Variants in KCNIP4 observed in about 807,000 individuals in gnomAD.
The protein encoded by KCNIP4 is Kv channel-interacting protein 4.
Under a neutral mutation model 34.0 loss-of-function variants are expected in KCNIP4, and 12 were observed. The observed-to-expected ratio is 0.35, with a 90% CI of 0.23 to 0.57. The LOEUF (loss-of-function observed/expected upper bound fraction) is 0.57. Among genes scored for constraint, KCNIP4 ranks in the 20% least tolerant of loss-of-function variants. The pLI is 0.83. For synonymous variants in KCNIP4, 124 were observed against 102.2 expected, an observed-to-expected ratio of 1.21 and a Z score of -1.29; for missense variants, 238 against 311.7, an observed-to-expected ratio of 0.76 and a Z score of 1.78.
chr4:21,046,847 C>A (rs143936563), intron 1 of KCNIP4, among the ~76,000 whole-genome samples: 2 of 152,170 alleles, frequency 1.3e-5, no homozygotes, highest in Admixed American at 6.5e-5. Flanking sequence ...CGCCTCCTGG[C>A]CTTCCAAAGT....
At chr4:21,290,558 G>C (rs1763380942) in intron 1 of KCNIP4, among the ~76,000 whole-genome samples, 1 of 152,108 alleles carries the variant, frequency 6.6e-6, no homozygotes, top group Non-Finnish European at 1.5e-5. Flanking sequence ...TTTAATTTAA[G>C]AAATATGTTC....
intron 2 of KCNIP4, among the ~76,000 whole-genome samples, chr4:20,860,428 G>T (rs976588834): frequency 6.6e-6 from 1 of 152,002 alleles, no homozygotes; most frequent in Non-Finnish European, 1.5e-5. Flanking sequence ...GTGAGTCACC[G>T]CACCCAGTCC....
intron 1 of KCNIP4, among the ~76,000 whole-genome samples, chr4:20,971,770 G>A (rs1734974108): frequency 6.6e-6 from 1 of 152,144 alleles, no homozygotes; most frequent in South Asian, 2.1e-4. Flanking sequence ...AATGAAATTT[G>A]CCTCATTGAT....
At chr4:21,247,743 T>TATATATATATATATAC (rs1553845670) in intron 1 of KCNIP4, among the ~76,000 whole-genome samples, 2 of 120,466 alleles carry the variant, frequency 1.7e-5, no homozygotes, top group Non-Finnish European at 3.2e-5. Context: ...TGGATATATA[T>TATATATATATATATAC]ATATATATAT....
intron 1 of KCNIP4, among the ~76,000 whole-genome samples, chr4:21,435,639 G>A (rs2109684076): frequency 6.6e-6 from 1 of 152,146 alleles, no homozygotes; most frequent in East Asian, 1.9e-4. Flanking sequence ...GACTGACAGT[G>A]GATAACACAT....
intron 1 of KCNIP4, among the ~76,000 whole-genome samples, chr4:21,757,945 T>A (rs769245549): frequency 6.6e-6 from 1 of 152,196 alleles, no homozygotes; most frequent in Non-Finnish European, 1.5e-5. Context: ...ACTACTAGGT[T>A]TGTGTCCTTA....
In KCNIP4 at chr4:21,182,513, A is replaced by G. The variant is rs369069841; in HGVS notation, c.62-299804T>C. 4.0e-5 allele frequency among the ~76,000 whole-genome samples: 6 copies of G among 148,212 alleles called. No homozygotes were observed. The South Asian group carries it at 6.3e-4, about 16-fold the overall frequency. Reference sequence around the variant, plus strand: ...AGGGGTACAAGTACAGTTTTGTTACATGGATATATTGTGTAGTCATGAAGT... The same window carrying G: ...AGGGGTACAAGTACAGTTTTGTTACGTGGATATATTGTGTAGTCATGAAGT... On this transcript the variant is annotated intron_variant, in intron 1 of 8. Transcript: ENST00000382152.
At chr4:21,475,946 T>G (rs1253775918) in intron 1 of KCNIP4, among the ~76,000 whole-genome samples, 3 of 152,172 alleles carry the variant, frequency 2.0e-5, no homozygotes, top group African/African-American at 7.2e-5. Context: ...AATGCGCTGT[T>G]ATTAAATTCT....
intron 1 of KCNIP4, among the ~76,000 whole-genome samples, chr4:21,665,521 C>G (rs111741100): frequency 2.3e-4 from 34 of 149,758 alleles, no homozygotes; most frequent in Middle Eastern, 3.4e-3. Flanking sequence ...ACCCCCCCCC[C>G]CTCATTTTAT....
At chr4:21,850,492 C>T (rs1448479359) in intron 1 of KCNIP4, 1 of 152,108 alleles carries the variant, frequency 6.6e-6, no homozygotes, top group African/African-American at 2.4e-5. Context: ...CTCAGCCCCT[C>T]ACCGTGTGAT....
chr4:21,769,599 C>G (rs1314661943), intron 1 of KCNIP4, among the ~76,000 whole-genome samples: 1 of 152,040 alleles, frequency 6.6e-6, no homozygotes, highest in Non-Finnish European at 1.5e-5. Context: ...AAGATTTTAT[C>G]TAGATATTTT....
intron 1 of KCNIP4, among the ~76,000 whole-genome samples, chr4:21,356,185 C>T (rs1718573689): frequency 6.6e-6 from 1 of 152,102 alleles, no homozygotes; most frequent in South Asian, 2.1e-4. Flanking sequence ...ATATTAAGAG[C>T]TATTTATGAC....
chr4:21,373,651 T>A (rs1720699752), intron 1 of KCNIP4, among the ~76,000 whole-genome samples: 2 of 147,368 alleles, frequency 1.4e-5, no homozygotes, highest in Admixed American at 1.3e-4. Context: ...GATCAACAAG[T>A]CATATAATCT....
intron 1 of KCNIP4, among the ~76,000 whole-genome samples, chr4:21,381,904 T>G (rs112686980): frequency 2.2e-4 from 34 of 152,306 alleles, no homozygotes; most frequent in African/African-American, 7.0e-4. Flanking sequence ...ACCAATGGTC[T>G]AGCATGGAGT....
chr4:21,551,593 A>C (rs1421114300), intron 1 of KCNIP4, among the ~76,000 whole-genome samples: 1 of 152,156 alleles, frequency 6.6e-6, no homozygotes, highest in Non-Finnish European at 1.5e-5. Flanking sequence ...CAATGGAAAG[A>C]ATGCAACTCT....
chr4:21,075,733 A>T (rs993193499), intron 1 of KCNIP4, among the ~76,000 whole-genome samples: 1 of 152,106 alleles, frequency 6.6e-6, no homozygotes, highest in Non-Finnish European at 1.5e-5. Context: ...TCTTCCTAGC[A>T]TCGATGGTCT....
At chr4:21,282,392 C>A (rs2109172791) in intron 1 of KCNIP4, among the ~76,000 whole-genome samples, 1 of 151,970 alleles carries the variant, frequency 6.6e-6, no homozygotes, top group African/African-American at 2.4e-5. Context: ...GGACTGTGAT[C>A]TCTTTGCCAA....
chr4:21,818,694 T>C (rs554175971), intron 1 of KCNIP4, among the ~76,000 whole-genome samples: 3 of 152,336 alleles, frequency 2.0e-5, no homozygotes, highest in African/African-American at 7.2e-5. Context: ...CTGCAATAGA[T>C]AGTACTTGAA....
intron 1 of KCNIP4, among the ~76,000 whole-genome samples, chr4:21,602,200 C>T (rs1743232502): frequency 6.6e-6 from 1 of 151,982 alleles, no homozygotes; most frequent in Non-Finnish European, 1.5e-5. Flanking sequence ...GGGAAGTCCT[C>T]TTTCACCCCA....
Sources: allele counts gnomAD v4.1 joint callset (sites outside exome capture counted in the v4.1 genomes callset), GRCh38; gene constraint gnomAD v4.1.1; transcripts MANE v1.5; gene names NCBI Gene and HGNC (gene_info 2026-07-23, HGNC 2026-07-21).